The following TMEM244 variants were observed in gnomAD, a reference collection of about 807,000 sequenced individuals.
TMEM244 encodes the protein transmembrane protein 244, also known as putative transmembrane protein 244.
Under a neutral mutation model 15.8 loss-of-function variants are expected in TMEM244, and 13 were observed. The observed-to-expected ratio is 0.82, with a 90% CI of 0.53 to 1.30. The LOEUF (loss-of-function observed/expected upper bound fraction) is 1.30, where lower values mean the gene tolerates loss of function less well. Among genes scored for constraint, TMEM244 ranks in the 50% most tolerant of loss-of-function variants. The pLI, the probability that TMEM244 is intolerant of heterozygous loss-of-function variation, is 0.00. For synonymous variants in TMEM244, 45 were observed against 48.7 expected (o/e 0.92, Z 0.32); for missense variants, 161 against 144.9 (o/e 1.11, Z -0.57).
At chr6:129,853,993 T>C (rs9321194) in intron 1 of TMEM244, among the ~76,000 whole-genome samples, 50,038 of 152,118 alleles carry the variant, frequency 0.33, 8,663 homozygotes, top group African/African-American at 0.44. Context: ...ATTCAGCTCT[T>C]GAGTTTTTCT....
intron 1 of TMEM244, 25 bp from the exon 2 acceptor site, chr6:129,845,877 C>G (rs768999035): frequency 2.6e-6 from 4 of 1,518,626 alleles, no homozygotes; most frequent in African/African-American, 2.8e-5. Context: ...GGCATGAGGT[C>G]CAAGAGCCTG....
At chr6:129,860,254 A>C (rs1776783580) in intron 1 of TMEM244, among the ~76,000 whole-genome samples, 1 of 152,158 alleles carries the variant, frequency 6.6e-6, no homozygotes, top group African/African-American at 2.4e-5. Flanking sequence ...TCTCTTCAGC[A>C]GAAGTTATTA....
chr6:129,837,495 G>A (rs1016069965), intron 3 of TMEM244, among the ~76,000 whole-genome samples: 1 of 152,126 alleles, frequency 6.6e-6, no homozygotes. Flanking sequence ...GACTTTAGAC[G>A]CTATGAAGAA....
At chr6:129,846,853 A>G (rs1481920063) in intron 1 of TMEM244, among the ~76,000 whole-genome samples, 1 of 152,192 alleles carries the variant, frequency 6.6e-6, no homozygotes, top group Non-Finnish European at 1.5e-5. Context: ...GTACTCTTCC[A>G]CAGCTGAGAC....
chr6:129,859,785 A>G (rs1046880618), intron 1 of TMEM244, among the ~76,000 whole-genome samples: 1 of 152,188 alleles, frequency 6.6e-6, no homozygotes, highest in Admixed American at 6.5e-5. Context: ...TGCCTGGCAC[A>G]TTGCATGCAC....
At chr6:129,834,704 A>C (rs939823869) in intron 3 of TMEM244, among the ~76,000 whole-genome samples, 1 of 152,158 alleles carries the variant, frequency 6.6e-6, no homozygotes, top group Non-Finnish European at 1.5e-5. Context: ...AATTCATACT[A>C]ACTCCTTTTC....
chr6:129,842,069 A>G (rs1281966853), intron 3 of TMEM244, among the ~76,000 whole-genome samples: 1 of 152,164 alleles, frequency 6.6e-6, no homozygotes, highest in Non-Finnish European at 1.5e-5. Context: ...TCTGCCAGCC[A>G]TTTTGGAGAT....
rs1257270795 is a variant in TMEM244, at chr6:129,833,533, AAC to A, written c.244_245del (p.Val82SerfsTer58). ...CCCAAACCCATTCTTCCACAACTGG[AAC>A]AAAAAACAATCCACAAACAAAGTAG... is the stretch of plus-strand genomic sequence containing the variant. ...VTYFVCGLFF[V>X]PVVEEWVWDY... On this transcript the variant is annotated frameshift_variant, in exon 4 of 5. Transcript: ENST00000368143. LOFTEE classifies it high-confidence loss of function. 1 of 1,613,300 alleles carries A rather than the reference AAC, an allele frequency of 6.2e-7. No homozygotes were observed. The highest frequency in any genetic ancestry group is 1.3e-5 in the African/African-American group (1 of 75,020).
intron 1 of TMEM244, among the ~76,000 whole-genome samples, chr6:129,854,383 A>C (rs1053973621): frequency 6.6e-6 from 1 of 152,230 alleles, no homozygotes; most frequent in Non-Finnish European, 1.5e-5. Flanking sequence ...TGAGAGAGTC[A>C]CCAATCAGGA....
chr6:129,838,538 C>CA (rs1776440931), intron 3 of TMEM244, among the ~76,000 whole-genome samples: 1 of 151,790 alleles, frequency 6.6e-6, no homozygotes. Flanking sequence ...GAAGCAAGAG[C>CA]AAAAAAATTC....
In TMEM244 at chr6:129,833,541, ACAAT is replaced by A. The variant is rs1776360359; in HGVS notation, c.234_237del (p.Leu79PhefsTer34). 1.2e-6 allele frequency: 2 copies of A among 1,612,800 alleles called. No individual in the cohort carries two copies. Among genetic ancestry groups the A allele is most frequent in the Admixed American group, 3.3e-5 (2 of 59,916 alleles). ...CATTCTTCCACAACTGGAACAAAAA[ACAAT>A]CCACAAACAAAGTAGGTGACCTCTG... On this transcript the variant is annotated frameshift_variant, in exon 4 of 5. Coordinates refer to ENST00000368143, the MANE Select transcript of TMEM244 (RefSeq NM_001010876.2). LOFTEE classifies it high-confidence loss of function.
chr6:129,848,360 C>T (rs893008605), intron 1 of TMEM244, among the ~76,000 whole-genome samples: 26 of 152,224 alleles, frequency 1.7e-4, no homozygotes, highest in African/African-American at 6.0e-4. Flanking sequence ...GCCACGTGCC[C>T]ATTACTGAAC....
intron 1 of TMEM244, among the ~76,000 whole-genome samples, chr6:129,860,626 T>C (rs983106097): frequency 1.3e-5 from 2 of 152,162 alleles, no homozygotes; most frequent in African/African-American, 4.8e-5. Flanking sequence ...GCTTTGCATA[T>C]TTCCTTGTTT....
At chr6:129,839,594 G>C (rs1266819607) in intron 3 of TMEM244, among the ~76,000 whole-genome samples, 1 of 152,140 alleles carries the variant, frequency 6.6e-6, no homozygotes, top group African/African-American at 2.4e-5. Context: ...TCAGGCAAGA[G>C]AAAGAAATAA....
At chr6:129,835,711 C>A (rs543997691) in intron 3 of TMEM244, among the ~76,000 whole-genome samples, 2 of 152,302 alleles carry the variant, frequency 1.3e-5, no homozygotes, top group South Asian at 4.2e-4. Context: ...AAATACTGCA[C>A]TATTCCCATA....
intron 1 of TMEM244, among the ~76,000 whole-genome samples, chr6:129,847,569 G>A (rs1007287747): frequency 6.6e-6 from 1 of 152,038 alleles, no homozygotes; most frequent in Non-Finnish European, 1.5e-5. Context: ...TGAGGCCTAA[G>A]AGGGCCATGA....
Position 129,841,316 on chromosome 6 carries a change from C to T in TMEM244, c.193+2214G>A, listed in dbSNP as rs370970882. On this transcript the variant is annotated intron_variant, in intron 3 of 4. Transcript: ENST00000368143. ...GAAACCATTATTCTAAGCAAACTAT[C>T]ACAAGAACAGAAAACCAAACACCAC... Among the ~76,000 whole-genome samples the T allele has an allele frequency of 1.5e-4, 22 of 150,788 alleles. No homozygotes were observed. In the East Asian group the frequency reaches 3.7e-3, roughly 26 times the overall value.
chr6:129,832,986 G>T (rs1010748939), intron 4 of TMEM244, among the ~76,000 whole-genome samples: 4 of 152,186 alleles, frequency 2.6e-5, no homozygotes, highest in Admixed American at 6.5e-5. Flanking sequence ...TAAGTTGAAT[G>T]TGAAAGGGAA....
At position 129,834,866 on chromosome 6, in the gene TMEM244, G is replaced by A. The variant is rs377373076; in HGVS notation, c.194-1281C>T. Among the ~76,000 whole-genome samples the A allele has an allele frequency of 2.5e-3, 374 of 152,212 alleles. 2 individuals are homozygous for A. Among genetic ancestry groups the A allele is most frequent in the African/African-American group, 7.9e-3 (327 of 41,528 alleles). On this transcript the variant is annotated intron_variant, in intron 3 of 4. Transcript: ENST00000368143. ...CTCCCCTACTGGTTTACAGAATCACGACATTATTGTAGGGAAACAGAGATG... is the reference window on the plus strand; with the variant it reads ...CTCCCCTACTGGTTTACAGAATCACAACATTATTGTAGGGAAACAGAGATG...
Sources: gnomAD v4.1 joint callset for allele counts (sites outside exome capture counted in the v4.1 genomes callset) on GRCh38, gnomAD v4.1.1 for gene constraint, MANE v1.5 for transcripts, NCBI Gene and HGNC (gene_info 2026-07-23, HGNC 2026-07-21) for gene names.